MYO7B: variants seen among roughly 807,000 people sequenced by gnomAD.
The protein encoded by MYO7B is unconventional myosin-VIIb.
In MYO7B, 212 loss-of-function variants were observed where a neutral mutation model predicts 259.7. The ratio of observed to expected loss-of-function variants is 0.82; its 90% confidence interval spans 0.73 to 0.91. The LOEUF is 0.91. MYO7B is among the 40% of genes least tolerant of loss of function. MYO7B has a pLI of 0.00. For missense variants in MYO7B, 2,732 were observed against 2,813.5 expected (o/e 0.97, Z 0.66); for synonymous variants, 1,197 against 1,166.4 (o/e 1.03, Z -0.54).
chr2:127,637,271 T>G (rs1681894190), intron 47 of MYO7B, 45 bp from the exon 48 acceptor site: 1 of 1,436,350 alleles, frequency 7.0e-7, no homozygotes, highest in Admixed American at 2.0e-5. Context: ...GACCCCCACC[T>G]GCCCTCTGCA....
At chr2:127,578,966 A>G (rs1678995196) in intron 9 of MYO7B, among the ~76,000 whole-genome samples, 1 of 152,178 alleles carries the variant, frequency 6.6e-6, no homozygotes, top group African/African-American at 2.4e-5. Flanking sequence ...GACATTATAG[A>G]TTTATAAACA....
intron 27 of MYO7B, 110 bp downstream of exon 27, chr2:127,620,576 C>T: frequency 7.7e-7 from 1 of 1,290,528 alleles, no homozygotes; most frequent in Non-Finnish European, 1.0e-6. Flanking sequence ...GCCCATTTCT[C>T]CTGCTCCTGC....
Position 127,629,655 on chromosome 2 carries a change from C to A in MYO7B, c.4635C>A (p.Thr1545=). The A allele has an allele frequency of 6.2e-7, 1 of 1,612,112 alleles. No individual in the cohort carries two copies. The highest frequency in any genetic ancestry group is 8.5e-7 in the Non-Finnish European group (1 of 1,179,390). ...LQDRKATDDT[T]LLAFKKGDLL... ...TCCCTGCCCTTACAGATGACACCAC[C>A]CTCCTGGCCTTCAAGAAGGGGGACC... Residue 1545 remains threonine (T), a synonymous_variant, in exon 35 of 48, where the codon ACC becomes ACA. Transcript: ENST00000409816.
At chr2:127,564,367 C>T in intron 3 of MYO7B, 101 bp downstream of exon 3, 1 of 911,248 alleles carries the variant, frequency 1.1e-6, no homozygotes, top group Non-Finnish European at 1.6e-6. Flanking sequence ...ACCAGGGGCT[C>T]CAAGGCCAAG....
rs1229316673 is a variant in MYO7B at position 127,586,423 on chromosome 2, A to T, written c.1690+1510A>T. On this transcript the variant is annotated intron_variant, in intron 14 of 47. Coordinates refer to ENST00000409816, the MANE Select transcript of MYO7B (RefSeq NM_001393586.1). The surrounding 1 kb of genome is among the most constrained non-coding windows in gnomAD (Gnocchi z 4.8). ...GGTGTTCTGGTCTATTTAACTGGAG[A>T]CAGGAATCCAGGGATGATTCTTTTG... 6.6e-6 allele frequency among the ~76,000 whole-genome samples: 1 copy of T among 152,144 alleles called. No individual in the cohort carries two copies. Among genetic ancestry groups the T allele is most frequent in the African/African-American group, 2.4e-5 (1 of 41,434 alleles).
intron 9 of MYO7B, among the ~76,000 whole-genome samples, chr2:127,579,470 G>A (rs1679015246): frequency 6.6e-6 from 1 of 152,216 alleles, no homozygotes; most frequent in Admixed American, 6.5e-5. Flanking sequence ...GGAAAGGTGG[G>A]TGCTAACCAG....
At chr2:127,589,023 G>A (rs1204402668) in intron 15 of MYO7B, among the ~76,000 whole-genome samples, 9 of 144,890 alleles carry the variant, frequency 6.2e-5, no homozygotes, top group East Asian at 2.2e-4. Context: ...TGGGTGGTGG[G>A]TGGGTGGATG....
intron 1 of MYO7B, among the ~76,000 whole-genome samples, chr2:127,536,172 G>A (rs1237064891): frequency 3.3e-5 from 5 of 152,160 alleles, no homozygotes; most frequent in Admixed American, 2.0e-4. Context: ...CCTCACTGTG[G>A]AATCATGGGA....
At position 127,622,155 on chromosome 2, in the gene MYO7B, G is replaced by A. The variant is rs1573706360; in HGVS notation, c.3645+54G>A. The stretch of plus-strand genomic sequence containing the variant: ...AGGGTGGGGTGGTGCAGACCCCCAG[G>A]GACCCCCAGCACAGCTCATGGGGTG... On this transcript the variant is annotated intron_variant, in intron 28 of 47. Transcript: ENST00000409816. 5 of 1,515,640 alleles carry A rather than the reference G, an allele frequency of 3.3e-6. No homozygotes were observed. In the East Asian group the frequency reaches 1.2e-4, roughly 37 times the overall value. 93.9% of individuals were successfully genotyped at this position (1,515,640 alleles called of 1,614,324 possible).
Position 127,636,066 on chromosome 2 carries a change from C to T in MYO7B, c.6007-142C>T, listed in dbSNP as rs1263239568. The T allele has an allele frequency of 6.6e-6, 7 of 1,059,120 alleles. No homozygotes were observed. Among genetic ancestry groups the T allele is most frequent in the African/African-American group, 4.8e-5 (3 of 62,586 alleles). 65.6% of individuals were successfully genotyped at this position (1,059,120 alleles called of 1,614,324 possible). A position where few individuals can be genotyped will look rare whatever the true frequency, so the allele number is the denominator to read the frequency against. On this transcript the variant is annotated intron_variant, in intron 44 of 47. Coordinates refer to ENST00000409816, the MANE Select transcript of MYO7B (RefSeq NM_001393586.1). The surrounding 1 kb of genome is among the most constrained non-coding windows in gnomAD (Gnocchi z 4.5). ...ACACACCACGCCTTCCTATGCCATC[C>T]ACAGCACCGAGACTGTCCCATGCTG...
rs1364325788 is a variant in MYO7B, at chr2:127,597,424, C to T, written c.2339+868C>T. Among the ~76,000 whole-genome samples the T allele has an allele frequency of 2.6e-5, 4 of 152,116 alleles. No individual in the cohort carries two copies. Among genetic ancestry groups the T allele is most frequent in the East Asian group, 1.9e-4 (1 of 5,192 alleles). ...TTCCTTCTGCGGCCTTGTTTAGCCA[C>T]GCCCCCTCCCTCACACCTGCCCCCA... On this transcript the variant is annotated intron_variant, in intron 19 of 47. Coordinates refer to ENST00000409816, the MANE Select transcript of MYO7B (RefSeq NM_001393586.1). This position sits in a 1 kb window ranked among gnomAD's most constrained non-coding sequence, Gnocchi z 4.8.
In MYO7B at chr2:127,584,292, GCAT is replaced by G; in HGVS notation, c.1519_1521del (p.Ile507del). On this transcript the variant is annotated inframe_deletion, in exon 13 of 48. Transcript: ENST00000409816. The surrounding 1 kb of genome is among the most constrained non-coding windows in gnomAD (Gnocchi z 5.8). ...GACCTGCTGGCCCTCAAGCCCATGAGCATCATCTCCCTCCTGGACGAAGAAAGC... is the reference window on the plus strand; with the variant it reads ...GACCTGCTGGCCCTCAAGCCCATGAGCATCTCCCTCCTGGACGAAGAAAGC... 1.2e-6 allele frequency: 2 copies of G among 1,613,984 alleles called. No individual in the cohort carries two copies. Among genetic ancestry groups the G allele is most frequent in the Non-Finnish European group, 1.7e-6 (2 of 1,179,888 alleles).
rs1479051009 is a variant in MYO7B, at chr2:127,590,982, C to T, written c.1992+753C>T. On this transcript the variant is annotated intron_variant, in intron 16 of 47. Coordinates refer to ENST00000409816, the MANE Select transcript of MYO7B (RefSeq NM_001393586.1). The surrounding 1 kb of genome is among the most constrained non-coding windows in gnomAD (Gnocchi z 4.6). ...GCTGAGGCGGGAGGATTGCTTGAGG[C>T]AAGCCTGGGCAACATAGTAAGACCT... 6.6e-6 allele frequency among the ~76,000 whole-genome samples: 1 copy of T among 152,136 alleles called. No homozygotes were observed. Among genetic ancestry groups the T allele is most frequent in the African/African-American group, 2.4e-5 (1 of 41,420 alleles).
intron 6 of MYO7B, among the ~76,000 whole-genome samples, chr2:127,571,494 T>G (rs1418466411): frequency 6.7e-6 from 1 of 149,904 alleles, no homozygotes; most frequent in Non-Finnish European, 1.5e-5. Context: ...TTTTTTATTT[T>G]TTTGAGACGG....
intron 31 of MYO7B, 130 bp from the exon 32 acceptor site, chr2:127,626,845 A>T: frequency 2.4e-6 from 2 of 823,772 alleles, no homozygotes; most frequent in Non-Finnish European, 3.9e-6. Context: ...TCCCTACAGG[A>T]TCCATCTCCA....
chr2:127,586,006 T>A lies in MYO7B; in HGVS notation c.1690+1093T>A, dbSNP rs1290212978. The stretch of plus-strand genomic sequence containing the variant: ...GTGATTTTAAATTTTTTTCTCATTC[T>A]GTGGATTGTCTTTTCATCTGCTTGA... On this transcript the variant is annotated intron_variant, in intron 14 of 47. Transcript: ENST00000409816. The surrounding 1 kb of genome is among the most constrained non-coding windows in gnomAD (Gnocchi z 4.8). Among the ~76,000 whole-genome samples, 1 of 152,248 alleles carries A rather than the reference T, an allele frequency of 6.6e-6. No homozygotes were observed. The highest frequency in any genetic ancestry group is 1.9e-4 in the East Asian group (1 of 5,206).
Position 127,607,245 on chromosome 2 carries a change from A to C in MYO7B, c.2464A>C (p.Ser822Arg), listed in dbSNP as rs1444991025. 6.5e-7 allele frequency: 1 copy of C among 1,550,322 alleles called. No individual in the cohort carries two copies. The highest frequency in any genetic ancestry group is 1.4e-5 in the African/African-American group (1 of 73,056). The change falls in exon 21 of 48, where the codon AGC becomes CGC. Residue 822 changes from serine to arginine, a missense_variant. Around this residue, in one of 3 missense-constraint regions of MYO7B, gnomAD observed 1,906 missense variants for 2,026.4 expected, o/e 0.94. Coordinates refer to ENST00000409816, the MANE Select transcript of MYO7B (RefSeq NM_001393586.1). This position sits in a 1 kb window ranked among gnomAD's most constrained non-coding sequence, Gnocchi z 4.4. The stretch of plus-strand genomic sequence containing the variant: ...TGAGCGCCTGCAGGCTATTGCCCGG[A>C]GCCAGCCGCTGGCGAGGCAGTACCA... ...GFERLQAIAR[S>R]QPLARQYQAM...
chr2:127,628,041 G>A lies in MYO7B; in HGVS notation c.4461-331G>A, dbSNP rs1295771067. ...AAGCACGCCGAGGTTAGGTGGCTCAGAGTAAGCACATGGCAGAGCCGGCAG... is the reference window on the plus strand; with the variant it reads ...AAGCACGCCGAGGTTAGGTGGCTCAAAGTAAGCACATGGCAGAGCCGGCAG... On this transcript the variant is annotated intron_variant, in intron 33 of 47. Transcript: ENST00000409816. The surrounding 1 kb of genome is among the most constrained non-coding windows in gnomAD (Gnocchi z 4.8). 1.9e-6 allele frequency: 1 copy of A among 531,896 alleles called. No homozygotes were observed. Among genetic ancestry groups the A allele is most frequent in the Non-Finnish European group, 3.6e-6 (1 of 276,236 alleles). 32.9% of individuals were successfully genotyped at this position (531,896 alleles called of 1,614,324 possible). A position where few individuals can be genotyped will look rare whatever the true frequency, so the allele number is the denominator to read the frequency against.
rs373743005 is a variant in MYO7B at position 127,569,867 on chromosome 2, G to A, written c.549G>A (p.Ser183=). 2.0e-5 allele frequency: 32 copies of A among 1,613,336 alleles called. No homozygotes were observed. Among genetic ancestry groups the A allele is most frequent in the East Asian group, 4.5e-5 (2 of 44,868 alleles). The part of the protein sequence containing the change: ...QFLATISGQH[S]WIEQQVLEAN... The stretch of plus-strand genomic sequence containing the variant: ...TGGCCACCATCAGTGGCCAGCATTC[G>A]TGGATTGAGCAGCAGGTCCTGGAAG... Residue 183 remains serine, a synonymous_variant, in exon 6 of 48, where the codon TCG becomes TCA. Transcript: ENST00000409816.
Sources: allele counts gnomAD v4.1 joint callset (sites outside exome capture counted in the v4.1 genomes callset), GRCh38; gene constraint gnomAD v4.1.1; regional missense constraint gnomAD v4.1.1; non-coding constraint Gnocchi (gnomAD v3.1); transcripts MANE v1.5; gene names NCBI Gene and HGNC (gene_info 2026-07-23, HGNC 2026-07-21).